Variants in FAT1 observed in about 807,000 individuals in gnomAD.
The protein encoded by FAT1 is protocadherin Fat 1.
In FAT1, 171 loss-of-function variants were observed where a neutral mutation model predicts 329.8. The observed-to-expected ratio is 0.52, with a 90% CI of 0.46 to 0.59. FAT1 has a LOEUF of 0.59. FAT1 is among the 20% of genes least tolerant of loss of function. FAT1 has a pLI of 0.00. For missense variants in FAT1, 5,672 were observed against 5,774.4 expected, an observed-to-expected ratio of 0.98 and a Z score of 0.57; for synonymous variants, 2,233 against 2,228.6, an observed-to-expected ratio of 1.00 and a Z score of -0.06.
At chr4:186,701,266 C>T (rs184724133) in intron 2 of FAT1, among the ~76,000 whole-genome samples, 83 of 152,274 alleles carry the variant, frequency 5.5e-4, no homozygotes, top group African/African-American at 1.8e-3. Flanking sequence ...ATTGTTACCA[C>T]GCCCTGCTTG....
intron 1 of FAT1, among the ~76,000 whole-genome samples, chr4:186,713,827 T>A (rs967369099): frequency 2.6e-5 from 4 of 152,096 alleles, no homozygotes; most frequent in Non-Finnish European, 4.4e-5. Context: ...TTTTACATAC[T>A]CAGGAACCAC....
At chr4:186,685,339 C>T (rs1284269488) in intron 2 of FAT1, among the ~76,000 whole-genome samples, 1 of 152,192 alleles carries the variant, frequency 6.6e-6, no homozygotes, top group African/African-American at 2.4e-5. Context: ...AAACCACCAC[C>T]ACAATAAGAG....
At chr4:186,627,995 T>A (rs1317889846) in intron 9 of FAT1, 159 bp downstream of exon 9, 23 of 783,362 alleles carry the variant, frequency 2.9e-5, no homozygotes, top group Non-Finnish European at 4.5e-5. Context: ...AAAAAAAAAA[T>A]TCCTTTCTCC....
chr4:186,700,114 A>G (rs1744232300), intron 2 of FAT1, among the ~76,000 whole-genome samples: 1 of 152,128 alleles, frequency 6.6e-6, no homozygotes, highest in Admixed American at 6.5e-5. Flanking sequence ...GGCACCAAGG[A>G]GGACAAGGCA....
chr4:186,690,216 T>C (rs1251045674), intron 2 of FAT1, among the ~76,000 whole-genome samples: 1 of 152,218 alleles, frequency 6.6e-6, no homozygotes, highest in East Asian at 1.9e-4. Flanking sequence ...AGCCGTTATC[T>C]CAAGTTTACT....
Position 186,588,476 on chromosome 4 carries a change from C to A in FAT1, c.*116G>T. 1.6e-6 allele frequency: 2 copies of A among 1,257,702 alleles called. No individual in the cohort carries two copies. Among genetic ancestry groups the A allele is most frequent in the Non-Finnish European group, 2.2e-6 (2 of 927,870 alleles). 77.9% of individuals were successfully genotyped at this position (1,257,702 alleles called of 1,614,324 possible). ...TCCAGAGGCGCAGGATCCAGCGCAG[C>A]CATGCCCATTCGGCTCACCAAAAAA... On this transcript the variant is annotated 3_prime_UTR_variant, in exon 27 of 27. Coordinates refer to ENST00000441802, the MANE Select transcript of FAT1 (RefSeq NM_005245.4).
intron 3 of FAT1, among the ~76,000 whole-genome samples, chr4:186,660,235 C>A (rs1355294449): frequency 6.6e-6 from 1 of 152,150 alleles, no homozygotes. Flanking sequence ...TACTGACCTA[C>A]CTGGGAACAG....
At chr4:186,717,485 C>T (rs780240230) in intron 1 of FAT1, among the ~76,000 whole-genome samples, 4 of 152,284 alleles carry the variant, frequency 2.6e-5, no homozygotes, top group Admixed American at 2.0e-4. Context: ...GATCAACCAC[C>T]GGTTCCAATT....
At chr4:186,697,397 C>T (rs73015642) in intron 2 of FAT1, among the ~76,000 whole-genome samples, 26,153 of 152,162 alleles carry the variant, frequency 0.17, 2,527 homozygotes, top group South Asian at 0.3. Context: ...TGTGCGCGGA[C>T]GGTCCAGAAA....
At chr4:186,667,033 T>C (rs997762068) in intron 2 of FAT1, among the ~76,000 whole-genome samples, 3 of 152,234 alleles carry the variant, frequency 2.0e-5, no homozygotes, top group African/African-American at 7.2e-5. Context: ...CTGTTCTACA[T>C]GTCAGTATTC....
At chr4:186,695,908 C>T (rs1744009956) in intron 2 of FAT1, among the ~76,000 whole-genome samples, 1 of 152,144 alleles carries the variant, frequency 6.6e-6, no homozygotes, top group African/African-American at 2.4e-5. Flanking sequence ...TCTCCTGCCT[C>T]AGCCTCTGGA....
chr4:186,622,342 T>C (rs1220561027), intron 9 of FAT1, among the ~76,000 whole-genome samples: 1 of 152,236 alleles, frequency 6.6e-6, no homozygotes, highest in Non-Finnish European at 1.5e-5. Flanking sequence ...CAGGTCAACT[T>C]ATCCTCTAGG....
chr4:186,657,390 T>G (rs999238249), intron 3 of FAT1, among the ~76,000 whole-genome samples: 16 of 151,632 alleles, frequency 1.1e-4, no homozygotes, highest in African/African-American at 3.6e-4. Flanking sequence ...CCAAAAAGAG[T>G]ATATGCCATG....
intron 2 of FAT1, among the ~76,000 whole-genome samples, chr4:186,701,298 A>C (rs1003938848): frequency 4.6e-5 from 7 of 151,956 alleles, no homozygotes; most frequent in Admixed American, 1.3e-4. Context: ...CACACACACA[A>C]GATTTTTATC....
chr4:186,696,712 T>TA (rs2126668262), intron 2 of FAT1, among the ~76,000 whole-genome samples: 1 of 152,266 alleles, frequency 6.6e-6, no homozygotes, highest in African/African-American at 2.4e-5. Flanking sequence ...TCAAAGAACA[T>TA]ACGGCAAGTC....
At chr4:186,635,546 T>C (rs1740783245) in intron 6 of FAT1, among the ~76,000 whole-genome samples, 1 of 152,216 alleles carries the variant, frequency 6.6e-6, no homozygotes, top group Non-Finnish European at 1.5e-5. Flanking sequence ...TAAGCTGGTA[T>C]GAATCAAAAT....
Position 186,633,761 on chromosome 4 carries a change from G to A in FAT1, c.4246C>T (p.Pro1416Ser), listed in dbSNP as rs372883790. ...KGTGTIIVAK[P>S]LDAEQKSNYN... ...TTTGACTTCTGTTCTGCATCAAGAG[G>A]TTTGGCAACAATGATGGTTCCAGTT... The change falls in exon 7 of 27, where the codon CCT becomes TCT. Residue 1416 changes from proline (P) to serine (S), a missense_variant. Coordinates refer to ENST00000441802, the MANE Select transcript of FAT1 (RefSeq NM_005245.4). The A allele has an allele frequency of 1.4e-5, 23 of 1,613,838 alleles. No individual in the cohort carries two copies. In the African/African-American group the frequency reaches 2.9e-4, roughly 21 times the overall value.
chr4:186,660,391 T>C (rs920749237), intron 3 of FAT1, among the ~76,000 whole-genome samples: 9 of 152,210 alleles, frequency 5.9e-5, no homozygotes, highest in African/African-American at 2.2e-4. Flanking sequence ...AATAATTCCA[T>C]GCTAAAATAC....
intron 2 of FAT1, among the ~76,000 whole-genome samples, chr4:186,668,269 C>T (rs79229735): frequency 0.025 from 3,793 of 152,216 alleles, 65 homozygotes; most frequent in Middle Eastern, 0.054. Flanking sequence ...CCCGAGATCT[C>T]TAGGTCAAAA....
Sources: allele counts gnomAD v4.1 joint callset (sites outside exome capture counted in the v4.1 genomes callset), GRCh38; gene constraint gnomAD v4.1.1; transcripts MANE v1.5; gene names NCBI Gene and HGNC (gene_info 2026-07-23, HGNC 2026-07-21).